The following PDSS2 variants were observed in gnomAD, a reference collection of about 807,000 sequenced individuals.
PDSS2 encodes the protein decaprenyl diphosphate synthase subunit 2.
In PDSS2, 31 loss-of-function variants were observed where a neutral mutation model predicts 44.5. The observed-to-expected ratio is 0.70, with a 90% CI of 0.52 to 0.94. The LOEUF (loss-of-function observed/expected upper bound fraction) is 0.94, where lower values mean the gene tolerates loss of function less well. Among genes scored for constraint, PDSS2 ranks in the 40% least tolerant of loss-of-function variants. The pLI, the probability that PDSS2 is intolerant of heterozygous loss-of-function variation, is 0.00. For missense variants in PDSS2, 452 were observed against 482.2 expected, an observed-to-expected ratio of 0.94 and a Z score of 0.59; for synonymous variants, 157 against 180.3, an observed-to-expected ratio of 0.87 and a Z score of 1.03.
At chr6:107,379,902 T>C (rs1779404326) in intron 1 of PDSS2, among the ~76,000 whole-genome samples, 1 of 152,118 alleles carries the variant, frequency 6.6e-6, no homozygotes, top group Non-Finnish European at 1.5e-5. Context: ...GGTCTCAACA[T>C]ATTATATATT....
chr6:107,377,733 G>A (rs1356425643), intron 1 of PDSS2, among the ~76,000 whole-genome samples: 1 of 152,066 alleles, frequency 6.6e-6, no homozygotes, highest in East Asian at 1.9e-4. Flanking sequence ...CATGTCCTTT[G>A]TAGGGACATG....
At chr6:107,203,798 T>TA (rs1255086581) in intron 6 of PDSS2, among the ~76,000 whole-genome samples, 1 of 152,156 alleles carries the variant, frequency 6.6e-6, no homozygotes, top group Non-Finnish European at 1.5e-5. Flanking sequence ...CTGTACCCAT[T>TA]AAACAGTCTC....
intron 1 of PDSS2, among the ~76,000 whole-genome samples, chr6:107,396,903 G>T (rs2114563822): frequency 6.6e-6 from 1 of 151,930 alleles, no homozygotes; most frequent in Admixed American, 6.6e-5. Context: ...ATGTTACCCA[G>T]GCTGGTCCTG....
chr6:107,411,876 CTTCTTTTTTTTT>C, intron 1 of PDSS2, among the ~76,000 whole-genome samples: 1 of 108,730 alleles, frequency 9.2e-6, no homozygotes, highest in African/African-American at 3.5e-5. Context: ...ACTTCTTCTT[CTTCTTTTTTTTT>C]TTTTTTTTTT....
At position 107,459,248 on chromosome 6, in the gene PDSS2, T is replaced by C. The variant is rs1261763009; in HGVS notation, c.38A>G (p.Tyr13Cys). 1 of 1,614,054 alleles carries C rather than the reference T, an allele frequency of 6.2e-7. No individual in the cohort carries two copies. The highest frequency in any genetic ancestry group is 8.5e-7 in the Non-Finnish European group (1 of 1,180,014). The stretch of plus-strand genomic sequence containing the variant: ...ACGCGGGGAACCCGAGGCTCCAAGA[T>C]AACGTGGCAAGTGCAACAGCAGCTG... ...FRQLLLHLPR[Y>C]LGASGSPRRL... The change falls in exon 1 of 8, where the codon TAT becomes TGT. Residue 13 changes from tyrosine to cysteine, a missense_variant. By Grantham distance (194) the Tyr-to-Cys change is radical. Coordinates refer to ENST00000369037, the MANE Select transcript of PDSS2 (RefSeq NM_020381.4). The surrounding 1 kb of genome is among the most constrained non-coding windows in gnomAD (Gnocchi z 4.3).
At chr6:107,311,978 A>G (rs2115119424) in intron 2 of PDSS2, among the ~76,000 whole-genome samples, 1 of 152,324 alleles carries the variant, frequency 6.6e-6, no homozygotes, top group African/African-American at 2.4e-5. Context: ...CCCAGAAAAG[A>G]GTACTTAGGT....
At chr6:107,352,734 G>A (rs1392801166) in intron 1 of PDSS2, among the ~76,000 whole-genome samples, 3 of 152,126 alleles carry the variant, frequency 2.0e-5, no homozygotes, top group Admixed American at 6.5e-5. Context: ...CCTTTCCCAC[G>A]AGGGGACTTT....
At chr6:107,379,801 A>G (rs1157676168) in intron 1 of PDSS2, among the ~76,000 whole-genome samples, 5 of 152,034 alleles carry the variant, frequency 3.3e-5, no homozygotes, top group Admixed American at 2.6e-4. Flanking sequence ...ACAGCATGAA[A>G]TTTATTTTAC....
intron 7 of PDSS2, among the ~76,000 whole-genome samples, chr6:107,182,805 G>T (rs1179599991): frequency 6.6e-6 from 1 of 152,160 alleles, no homozygotes; most frequent in Non-Finnish European, 1.5e-5. Context: ...AGATTAAAGA[G>T]AATCTACTCA....
intron 2 of PDSS2, among the ~76,000 whole-genome samples, chr6:107,292,212 T>G (rs1489675677): frequency 6.7e-6 from 1 of 148,356 alleles, no homozygotes; most frequent in Non-Finnish European, 1.5e-5. Flanking sequence ...ATCTTTTAAG[T>G]AGTACTTCAA....
chr6:107,285,072 G>A (rs78583727), intron 2 of PDSS2, among the ~76,000 whole-genome samples: 3,535 of 152,226 alleles, frequency 0.023, 144 homozygotes, highest in African/African-American at 0.081. Flanking sequence ...TCTAAAGCCT[G>A]GGCTCTTTGC....
At chr6:107,429,722 T>C (rs1781111146) in intron 1 of PDSS2, among the ~76,000 whole-genome samples, 1 of 151,130 alleles carries the variant, frequency 6.6e-6, no homozygotes, top group African/African-American at 2.4e-5. Context: ...CTGTCTCTAC[T>C]AAAAATACAA....
chr6:107,212,644 T>C (rs534319951), intron 4 of PDSS2, among the ~76,000 whole-genome samples: 2 of 152,284 alleles, frequency 1.3e-5, no homozygotes, highest in South Asian at 2.1e-4. Flanking sequence ...AAGAAGCCTA[T>C]TGCATTTAAT....
At chr6:107,366,401 TA>T (rs2114338945) in intron 1 of PDSS2, among the ~76,000 whole-genome samples, 1 of 152,158 alleles carries the variant, frequency 6.6e-6, no homozygotes, top group African/African-American at 2.4e-5. Flanking sequence ...GGAAAAGTTA[TA>T]GCATATTCTG....
At chr6:107,316,436 T>TA (rs1777200474) in intron 2 of PDSS2, among the ~76,000 whole-genome samples, 1 of 152,140 alleles carries the variant, frequency 6.6e-6, no homozygotes, top group Non-Finnish European at 1.5e-5. Context: ...ATCAGATACT[T>TA]ACAAAAGGTT....
chr6:107,388,560 T>C (rs1191613557), intron 1 of PDSS2, among the ~76,000 whole-genome samples: 1 of 151,672 alleles, frequency 6.6e-6, no homozygotes, highest in Non-Finnish European at 1.5e-5. Flanking sequence ...GCCATTCTCC[T>C]GCCTCAGCCT....
chr6:107,261,969 T>C (rs1775252605), intron 3 of PDSS2, among the ~76,000 whole-genome samples: 1 of 144,670 alleles, frequency 6.9e-6, no homozygotes, highest in Admixed American at 7.2e-5. Flanking sequence ...AGTGCAGTGG[T>C]GCGATCTTGG....
intron 1 of PDSS2, among the ~76,000 whole-genome samples, chr6:107,358,477 T>A (rs1778658118): frequency 6.6e-6 from 1 of 152,216 alleles, no homozygotes; most frequent in South Asian, 2.1e-4. Context: ...AATGTTCTTA[T>A]AGTGATATTT....
rs1012637116 is a variant in PDSS2, at chr6:107,193,857, A to G, written c.1009-3T>C. ...TCCAATCTTCCTTTTTCTTGAGCCT[A>G]CAAAAGAAGAGGGGAAAATTAATTT... On this transcript the variant is annotated splice_polypyrimidine_tract_variant and splice_region_variant and intron_variant, in intron 6 of 7. Transcript: ENST00000369037. The G allele has an allele frequency of 2.6e-6, 4 of 1,566,554 alleles. No homozygotes were observed. The Admixed American group carries it at 5.0e-5, about 20-fold the overall frequency.
Sources: allele counts gnomAD v4.1 joint callset (sites outside exome capture counted in the v4.1 genomes callset), GRCh38; gene constraint gnomAD v4.1.1; non-coding constraint Gnocchi (gnomAD v3.1); transcripts MANE v1.5; gene names NCBI Gene and HGNC (gene_info 2026-07-23, HGNC 2026-07-21).